The following ERBB4 variants were observed in gnomAD, a reference collection of about 807,000 sequenced individuals.
ERBB4 encodes the protein erb-b2 receptor tyrosine kinase 4, also known as receptor tyrosine-protein kinase erbB-4.
Under a neutral mutation model 158.0 loss-of-function variants are expected in ERBB4, and 42 were observed. That is an observed-to-expected ratio of 0.27 (90% CI 0.21 to 0.34). ERBB4 has a LOEUF of 0.34. ERBB4 is among the 10% of genes least tolerant of loss of function. ERBB4 has a pLI of 1.00. For missense variants in ERBB4, 1,333 were observed against 1,624.1 expected, an observed-to-expected ratio of 0.82 and a Z score of 3.08; for synonymous variants, 583 against 558.7, an observed-to-expected ratio of 1.04 and a Z score of -0.61.
intron 3 of ERBB4, among the ~76,000 whole-genome samples, chr2:211,884,215 A>T (rs1399936606): frequency 1.3e-5 from 2 of 152,020 alleles, no homozygotes; most frequent in Admixed American, 6.5e-5. Flanking sequence ...TTCTGTTTTC[A>T]TTCTTCTTGT....
At chr2:212,041,934 G>A (rs1253938503) in intron 2 of ERBB4, among the ~76,000 whole-genome samples, 1 of 151,978 alleles carries the variant, frequency 6.6e-6, no homozygotes, top group Non-Finnish European at 1.5e-5. Flanking sequence ...TTGTCATGAT[G>A]AAGACACATT....
intron 3 of ERBB4, among the ~76,000 whole-genome samples, chr2:211,910,395 T>C (rs956489270): frequency 6.6e-6 from 1 of 150,770 alleles, no homozygotes; most frequent in South Asian, 2.1e-4. Flanking sequence ...GTCCTTTCTC[T>C]TCCTGTGTTA....
intron 20 of ERBB4, among the ~76,000 whole-genome samples, chr2:211,437,240 G>C (rs1439236906): frequency 6.6e-6 from 1 of 152,080 alleles, no homozygotes; most frequent in Non-Finnish European, 1.5e-5. Context: ...TTCATGTTTT[G>C]CTCATAGCTC....
Position 211,893,370 on chromosome 2 carries a change from A to C in ERBB4, c.421+54060T>G, listed in dbSNP as rs544689245. Among the ~76,000 whole-genome samples the C allele has an allele frequency of 2.8e-5, 4 of 143,730 alleles. No individual in the cohort carries two copies. The South Asian group carries it at 6.4e-4, about 23-fold the overall frequency. The allele number at this position is 143,730 out of a possible 152,430, so 94.3% of individuals were successfully genotyped here. A position where few individuals can be genotyped will look rare whatever the true frequency, so the allele number is the denominator to read the frequency against. On this transcript the variant is annotated intron_variant, in intron 3 of 27. Transcript: ENST00000342788. Reference sequence around the variant, plus strand: ...CTGGCTAGCCATATGTAGAAAGCTGAAACTGGATCCCTTCCTTACACTTTA... The same window carrying C: ...CTGGCTAGCCATATGTAGAAAGCTGCAACTGGATCCCTTCCTTACACTTTA...
At chr2:212,126,190 A>T (rs2125574810) in intron 1 of ERBB4, among the ~76,000 whole-genome samples, 1 of 152,200 alleles carries the variant, frequency 6.6e-6, no homozygotes, top group Non-Finnish European at 1.5e-5. Context: ...GTGGCTGGGC[A>T]TGGTGGCTCA....
intron 2 of ERBB4, among the ~76,000 whole-genome samples, chr2:211,965,614 A>G (rs1399236745): frequency 6.6e-6 from 1 of 152,200 alleles, no homozygotes; most frequent in Non-Finnish European, 1.5e-5. Flanking sequence ...AAAGCAGAAA[A>G]TGAAAGTAGT....
chr2:212,113,759 T>C (rs969793039), intron 2 of ERBB4, among the ~76,000 whole-genome samples: 14 of 152,114 alleles, frequency 9.2e-5, no homozygotes, highest in Admixed American at 4.6e-4. Flanking sequence ...GTTAGGTTTC[T>C]ATGTAAGAGT....
At chr2:211,866,716 T>G (rs1260421108) in intron 3 of ERBB4, among the ~76,000 whole-genome samples, 1 of 152,150 alleles carries the variant, frequency 6.6e-6, no homozygotes, top group African/African-American at 2.4e-5. Flanking sequence ...TTATAAAAAG[T>G]ATTATCTAAG....
rs192786252 is a variant in ERBB4, at chr2:211,601,589, T to C, written c.2301+17588A>G. On this transcript the variant is annotated intron_variant, in intron 19 of 27. Transcript: ENST00000342788. ...TATTGCCAAGAGAAAAACAGAAATT[T>C]GGCATCCAAATGGCATTGGACTGCA... 6.0e-4 allele frequency among the ~76,000 whole-genome samples: 92 copies of C among 152,212 alleles called. 1 individual carries two copies. Among genetic ancestry groups the C allele is most frequent in the African/African-American group, 1.8e-3 (76 of 41,546 alleles).
At chr2:211,400,238 A>G (rs2063006221) in intron 25 of ERBB4, among the ~76,000 whole-genome samples, 1 of 152,126 alleles carries the variant, frequency 6.6e-6, no homozygotes, top group Non-Finnish European at 1.5e-5. Flanking sequence ...TATAAGCTTT[A>G]TAAGCTCGTG....
chr2:211,691,163 T>C (rs542689921), intron 12 of ERBB4, among the ~76,000 whole-genome samples: 7 of 152,230 alleles, frequency 4.6e-5, no homozygotes. Context: ...GTGGTCATCA[T>C]AGTTAAGGTT....
intron 20 of ERBB4, among the ~76,000 whole-genome samples, chr2:211,486,394 A>T (rs1008153067): frequency 1.2e-4 from 18 of 152,132 alleles, no homozygotes; most frequent in Admixed American, 3.3e-4. Context: ...CCTCATTGTA[A>T]ATTGATTCTA....
chr2:212,296,898 T>C (rs1375401482), intron 1 of ERBB4, among the ~76,000 whole-genome samples: 2 of 151,916 alleles, frequency 1.3e-5, no homozygotes, highest in Non-Finnish European at 2.9e-5. Flanking sequence ...TCTCTCCAGA[T>C]AGACTCTCCT....
chr2:211,614,883 TGTAAGA>T (rs1346268007), intron 19 of ERBB4, among the ~76,000 whole-genome samples: 1 of 152,056 alleles, frequency 6.6e-6, no homozygotes, highest in African/African-American at 2.4e-5. Context: ...ACAGCAGTTG[TGTAAGA>T]TAAATAAAAT....
At chr2:212,040,315 A>AG (rs1366223493) in intron 2 of ERBB4, among the ~76,000 whole-genome samples, 1 of 151,648 alleles carries the variant, frequency 6.6e-6, no homozygotes, top group Non-Finnish European at 1.5e-5. Context: ...AAATTTTAGT[A>AG]GTTTTTTTTT....
chr2:212,397,643 T>C (rs575865813), intron 1 of ERBB4, among the ~76,000 whole-genome samples: 1 of 152,274 alleles, frequency 6.6e-6, no homozygotes, highest in African/African-American at 2.4e-5. Flanking sequence ...GATTTTTAAA[T>C]TCTGCCAAGC....
At chr2:211,583,676 A>T (rs2068175002) in intron 19 of ERBB4, among the ~76,000 whole-genome samples, 1 of 151,640 alleles carries the variant, frequency 6.6e-6, no homozygotes, top group Non-Finnish European at 1.5e-5. Flanking sequence ...CTTTAAATTT[A>T]AAAAATGCAA....
At chr2:212,321,123 C>T (rs763832839) in intron 1 of ERBB4, among the ~76,000 whole-genome samples, 14 of 150,104 alleles carry the variant, frequency 9.3e-5, no homozygotes, top group Non-Finnish European at 1.9e-4. Context: ...TTGTGGGCTA[C>T]TACAAAAAGG....
intron 2 of ERBB4, among the ~76,000 whole-genome samples, chr2:212,093,639 A>G (rs777055322): frequency 6.6e-5 from 10 of 152,182 alleles, no homozygotes; most frequent in African/African-American, 9.6e-5. Flanking sequence ...TTTATCCAAC[A>G]TTGTCGTATT....
Sources: allele counts gnomAD v4.1 joint callset (sites outside exome capture counted in the v4.1 genomes callset), GRCh38; gene constraint gnomAD v4.1.1; transcripts MANE v1.5; gene names NCBI Gene and HGNC (gene_info 2026-07-23, HGNC 2026-07-21).